The following OSR1 variants were observed in gnomAD, a reference collection of about 807,000 sequenced individuals.
The protein encoded by OSR1 is protein odd-skipped-related 1.
Under a neutral mutation model 15.7 loss-of-function variants are expected in OSR1, and 3 were observed. That is an observed-to-expected ratio of 0.19 (90% CI 0.09 to 0.50). The LOEUF (loss-of-function observed/expected upper bound fraction) is 0.50, where lower values mean the gene tolerates loss of function less well. Among genes scored for constraint, OSR1 ranks in the 20% least tolerant of loss-of-function variants. The pLI, the probability that OSR1 is intolerant of heterozygous loss-of-function variation, is 0.97. For synonymous variants in OSR1, 166 were observed against 152.7 expected (o/e 1.09, Z -0.64); for missense variants, 271 against 351.1 (o/e 0.77, Z 1.82).
chr2:19,350,066 T>C (rs1664806940), downstream of OSR1, among the ~76,000 whole-genome samples: 1 of 152,082 alleles, frequency 6.6e-6, no homozygotes, highest in Non-Finnish European at 1.5e-5. Context: ...GCGCGCGACC[T>C]TGTGAACTGC....
chr2:19,347,064 T>G (rs1572256640), downstream of OSR1, among the ~76,000 whole-genome samples: 1 of 151,768 alleles, frequency 6.6e-6, no homozygotes. Context: ...TTGCCGGGGG[T>G]TTCAAGAAGT....
At chr2:19,352,604 G>A (rs186636288) in intron 2 of OSR1, among the ~76,000 whole-genome samples, 194 bp from the exon 3 acceptor site, 81 of 152,182 alleles carry the variant, frequency 5.3e-4, no homozygotes, top group South Asian at 3.1e-3. Context: ...AGCAAAGTCT[G>A]ATCCTTAAAC....
downstream of OSR1, among the ~76,000 whole-genome samples, chr2:19,350,056 G>A (rs1160950516): frequency 6.6e-6 from 1 of 152,188 alleles, no homozygotes; most frequent in Non-Finnish European, 1.5e-5. Flanking sequence ...ATCCTGGGCC[G>A]CGCGCGACCT....
rs1306424843 is a variant in OSR1, at chr2:19,353,498, G to A, written c.308C>T (p.Thr103Ile). ...GAGCGCTGGAACGCTGCCTCCAGCG[G>A]TGATCTCGGGCTTGGGTTGAATGAC... ...PHVIQPKPEI[T>I]AGGSVPALKT... The change falls in exon 2 of 3, where the codon ACC becomes ATC. Residue 103 changes from threonine to isoleucine, a missense_variant. Coordinates refer to ENST00000272223, the MANE Select transcript of OSR1 (RefSeq NM_145260.3). The A allele has an allele frequency of 6.2e-7, 1 of 1,614,228 alleles. No homozygotes were observed. Among genetic ancestry groups the A allele is most frequent in the African/African-American group, 1.3e-5 (1 of 75,070 alleles).
At chr2:19,349,548 G>A (rs1232165211), downstream of OSR1, among the ~76,000 whole-genome samples, 1 of 152,186 alleles carries the variant, frequency 6.6e-6, no homozygotes, top group African/African-American at 2.4e-5. Flanking sequence ...TGCAGACCTT[G>A]GACTGGGTGG....
At chr2:19,345,037 A>G in the OSR1 span, among the ~76,000 whole-genome samples, 1 of 152,126 alleles carries the variant, frequency 6.6e-6, no homozygotes, top group Non-Finnish European at 1.5e-5. Flanking sequence ...GTGTGTACAT[A>G]TATATAATTT....
At chr2:19,349,391 A>G (rs1376406722), downstream of OSR1, among the ~76,000 whole-genome samples, 2 of 152,166 alleles carry the variant, frequency 1.3e-5, no homozygotes, top group Non-Finnish European at 2.9e-5. Flanking sequence ...AACAGCAAAC[A>G]TCAGTAGAGC....
At chr2:19,347,716 T>A (rs2103355664), downstream of OSR1, among the ~76,000 whole-genome samples, 1 of 152,296 alleles carries the variant, frequency 6.6e-6, no homozygotes, top group South Asian at 2.1e-4. Flanking sequence ...CCAAAAGAGC[T>A]GGGACCGCAG....
chr2:19,345,252 T>C, the OSR1 span, among the ~76,000 whole-genome samples: 2 of 152,112 alleles, frequency 1.3e-5, no homozygotes, highest in African/African-American at 2.4e-5. Flanking sequence ...ATTTTGTAGG[T>C]TGCCTGTTCA....
rs367808898 is a variant in OSR1 at position 19,352,401 on chromosome 2, G to A, written c.675C>T (p.His225=). Residue 225 remains histidine (H), a synonymous_variant, in exon 3 of 3, where the codon CAC becomes CAT. Transcript: ENST00000272223. ...GACACTTGAAGGGCTTCTCTTTGGA[G>A]TGAATATATCTGAGGGCAGAAACAG... is the stretch of plus-strand genomic sequence containing the variant. ...QDHLRDHRYI[H]SKEKPFKCQE... is the part of the protein sequence containing the mutation. 5 of 1,614,146 alleles carry A rather than the reference G, an allele frequency of 3.1e-6. No individual in the cohort carries two copies. The highest frequency in any genetic ancestry group is 1.1e-5 in the South Asian group (1 of 91,084).
At position 19,353,610 on chromosome 2, in the gene OSR1, G is replaced by A; in HGVS notation, c.196C>T (p.Arg66Cys). ...CCCGGCACTTTGGAGAAAGAAGAGC[G>A]CGGCAAGTGCATGGCCGGGTAGCCC... Reference protein sequence around the residue: ...TLGYPAMHLPRSSFSKVPGTV... With the variant: ...TLGYPAMHLPCSSFSKVPGTV... The change falls in exon 2 of 3, where the codon CGC (arginine) becomes TGC (cysteine). Residue 66 changes from arginine to cysteine, a missense_variant. Around this residue, in one of 4 missense-constraint regions of OSR1, gnomAD observed 210 missense variants for 218.4 expected, o/e 0.96. Coordinates refer to ENST00000272223, the MANE Select transcript of OSR1 (RefSeq NM_145260.3). 1 of 1,614,254 alleles carries A rather than the reference G, an allele frequency of 6.2e-7. No homozygotes were observed. The highest frequency in any genetic ancestry group is 8.5e-7 in the Non-Finnish European group (1 of 1,180,048).
chr2:19,350,232 G>A (rs1316218289), downstream of OSR1, among the ~76,000 whole-genome samples: 3 of 152,166 alleles, frequency 2.0e-5, no homozygotes, highest in African/African-American at 7.2e-5. Context: ...GAGGTTGCGG[G>A]CAAGACCCCT....
chr2:19,349,128 A>C (rs920950135), downstream of OSR1, among the ~76,000 whole-genome samples: 1 of 152,230 alleles, frequency 6.6e-6, no homozygotes, highest in Non-Finnish European at 1.5e-5. Context: ...TGGGGCAGGC[A>C]AGGAAACCCA....
Position 19,352,260 on chromosome 2 carries a change from A to G in OSR1, c.*15T>C. ...GGCCGCTGGGCCTAGGGTCCTTGTG[A>G]CCCACAGGTTCTATTTAGCATTTGA... On this transcript the variant is annotated 3_prime_UTR_variant, in exon 3 of 3. Transcript: ENST00000272223. 6.2e-7 allele frequency: 1 copy of G among 1,613,774 alleles called. No individual in the cohort carries two copies. The highest frequency in any genetic ancestry group is 8.5e-7 in the Non-Finnish European group (1 of 1,179,760).
rs1016073720 is a variant in OSR1, at chr2:19,357,658, C to G, written c.-33+683G>C. 1.3e-5 allele frequency: 2 copies of G among 151,994 alleles called. No individual in the cohort carries two copies. The highest frequency in any genetic ancestry group is 4.8e-5 in the African/African-American group (2 of 41,282). 9.4% of individuals were successfully genotyped at this position (151,994 alleles called of 1,614,324 possible). A position where few individuals can be genotyped will look rare whatever the true frequency, so the allele number is the denominator to read the frequency against. On this transcript the variant is annotated intron_variant, in intron 1 of 2. Coordinates refer to ENST00000272223, the MANE Select transcript of OSR1 (RefSeq NM_145260.3). The surrounding 1 kb of genome is among the most constrained non-coding windows in gnomAD (Gnocchi z 5.0). The stretch of plus-strand genomic sequence containing the variant: ...CTCGAATTGGAAAGCAGTGCTTGCG[C>G]CCACTGCATTGCCTCCCTGCACCAG...
At chr2:19,351,376 G>A (rs1664835946), downstream of OSR1, 1 of 152,560 alleles carries the variant, frequency 6.6e-6, no homozygotes, top group African/African-American at 2.4e-5. Context: ...CTAATAAGAC[G>A]GGGTGGTAGG....
At chr2:19,355,562 C>G (rs1664931718) in intron 1 of OSR1, 1 of 152,358 alleles carries the variant, frequency 6.6e-6, no homozygotes, top group African/African-American at 2.4e-5. Flanking sequence ...GGGCCACTGG[C>G]TGTGTGGTGG....
At chr2:19,348,269 G>C (rs968620495), downstream of OSR1, among the ~76,000 whole-genome samples, 3 of 152,092 alleles carry the variant, frequency 2.0e-5, no homozygotes, top group Non-Finnish European at 2.9e-5. Context: ...GATCGTGTTA[G>C]TGGAGACGAA....
At position 19,353,437 on chromosome 2, in the gene OSR1, G is replaced by A. The variant is rs143325472; in HGVS notation, c.369C>T (p.Ala123=). 1.4e-4 allele frequency: 223 copies of A among 1,614,060 alleles called. No individual in the cohort carries two copies. In the African/African-American group the frequency reaches 2.7e-3, roughly 19 times the overall value. ...TKPRFDFANL[A]LAATQEDPAK... ...CCGGATCTTCTTGCGTTGCTGCCAAGGCCAGGTTGGCAAAATCAAAGCGCG... is the reference window on the plus strand; with the variant it reads ...CCGGATCTTCTTGCGTTGCTGCCAAAGCCAGGTTGGCAAAATCAAAGCGCG... The change falls in exon 2 of 3, where the codon GCC becomes GCT. Residue 123 remains alanine (A), a synonymous_variant. Coordinates refer to ENST00000272223, the MANE Select transcript of OSR1 (RefSeq NM_145260.3).
Sources: allele counts gnomAD v4.1 joint callset (sites outside exome capture counted in the v4.1 genomes callset), GRCh38; gene constraint gnomAD v4.1.1; regional missense constraint gnomAD v4.1.1; non-coding constraint Gnocchi (gnomAD v3.1); transcripts MANE v1.5; gene names NCBI Gene and HGNC (gene_info 2026-07-23, HGNC 2026-07-21).